Variants in CD38 observed in about 807,000 individuals in gnomAD.
CD38 encodes CD38 molecule.
CD38 carries 31 observed loss-of-function variants against 36.3 expected under a neutral mutation model. That is an observed-to-expected ratio of 0.85 (90% CI 0.64 to 1.15). The LOEUF (loss-of-function observed/expected upper bound fraction) is 1.15, where lower values mean the gene tolerates loss of function less well. Among genes scored for constraint, CD38 ranks in the 50% most tolerant of loss-of-function variants. The pLI is 0.00. For missense variants in CD38, 380 were observed against 371.9 expected (o/e 1.02, Z -0.18); for synonymous variants, 131 against 135.2 (o/e 0.97, Z 0.22).
intron 1 of CD38, among the ~76,000 whole-genome samples, chr4:15,789,789 G>A (rs1037402097): frequency 6.6e-6 from 1 of 150,990 alleles, no homozygotes. Context: ...CCTCCTCACC[G>A]TGTGATGCCC....
intron 1 of CD38, among the ~76,000 whole-genome samples, chr4:15,814,503 G>A (rs1213715463): frequency 1.3e-5 from 2 of 152,170 alleles, no homozygotes; most frequent in Non-Finnish European, 2.9e-5. Context: ...TTTTAGTCAT[G>A]AAGTCTTTGC....
intron 1 of CD38, among the ~76,000 whole-genome samples, chr4:15,814,446 T>G (rs1460537251): frequency 6.6e-6 from 1 of 152,256 alleles, no homozygotes; most frequent in Non-Finnish European, 1.5e-5. Flanking sequence ...TTAGTTTAAT[T>G]AGATCCCATT....
At chr4:15,805,298 T>C (rs1577643894) in intron 1 of CD38, among the ~76,000 whole-genome samples, 1 of 151,582 alleles carries the variant, frequency 6.6e-6, no homozygotes. Context: ...CGCTTATTCC[T>C]TCTGCCTAGA....
chr4:15,823,569 A>G (rs1723784733), intron 2 of CD38, among the ~76,000 whole-genome samples: 1 of 152,260 alleles, frequency 6.6e-6, no homozygotes, highest in Non-Finnish European at 1.5e-5. Context: ...AAACATATGA[A>G]AAAAAGCTCA....
intron 3 of CD38, among the ~76,000 whole-genome samples, chr4:15,832,714 G>T (rs1287498997): frequency 1.3e-5 from 2 of 152,150 alleles, no homozygotes; most frequent in African/African-American, 4.8e-5. Context: ...AGGGCCTGCA[G>T]TAACCACTTC....
At chr4:15,828,146 C>T (rs1340964517) in intron 3 of CD38, among the ~76,000 whole-genome samples, 1 of 152,136 alleles carries the variant, frequency 6.6e-6, no homozygotes, top group Non-Finnish European at 1.5e-5. Flanking sequence ...TCCCAGGTAG[C>T]TGGGACTACA....
At position 15,850,026 on chromosome 4, in the gene CD38, G is replaced by A. The variant is rs1192402825; in HGVS notation, c.*1424G>A. 6.6e-6 allele frequency: 1 copy of A among 152,242 alleles called. No individual in the cohort carries two copies. The highest frequency in any genetic ancestry group is 2.4e-5 in the African/African-American group (1 of 41,554). The allele number at this position is 152,242 out of a possible 1,614,324, so 9.4% of individuals were successfully genotyped here. A position where few individuals can be genotyped will look rare whatever the true frequency, so the allele number is the denominator to read the frequency against. On this transcript the variant is annotated 3_prime_UTR_variant, in exon 8 of 8. Coordinates refer to ENST00000226279, the MANE Select transcript of CD38 (RefSeq NM_001775.4). ...TTTTCTAGTTTTGAAAAAAACATAA[G>A]CCAGGCATGGTGGCTCACACCTGTA...
chr4:15,826,257 CTT>C (rs1723842351), intron 3 of CD38, among the ~76,000 whole-genome samples: 1 of 152,138 alleles, frequency 6.6e-6, no homozygotes, highest in Admixed American at 6.6e-5. Context: ...TCTTTCTAGA[CTT>C]TTCCTATGCT....
At position 15,851,924 on chromosome 4, in the gene CD38, T is replaced by C. The variant is rs2148931093; in HGVS notation, c.*3322T>C. On this transcript the variant is annotated 3_prime_UTR_variant, in exon 8 of 8. Transcript: ENST00000226279. ...GTCTGTACTAAATGCTGTGGGCAAT[T>C]TTAACCTGATGGTAAATGTTTGTGT... 6.6e-6 allele frequency: 1 copy of C among 152,326 alleles called. No homozygotes were observed. The highest frequency in any genetic ancestry group is 1.9e-4 in the East Asian group (1 of 5,188). The allele number at this position is 152,326 out of a possible 1,614,324, so 9.4% of individuals were successfully genotyped here.
In CD38 at chr4:15,838,641, G is replaced by A. The variant is rs568530506; in HGVS notation, c.659+476G>A. On this transcript the variant is annotated intron_variant, in intron 5 of 7. Transcript: ENST00000226279. ...TAGTAAAACTACTACCGGGAACATC[G>A]GGAACTGTGCTGGGCTCTTGGCCTT... Among the ~76,000 whole-genome samples, 28 of 152,288 alleles carry A rather than the reference G, an allele frequency of 1.8e-4. No individual in the cohort carries two copies. The East Asian group carries it at 2.9e-3, about 16-fold the overall frequency.
intron 1 of CD38, among the ~76,000 whole-genome samples, chr4:15,813,917 A>G (rs960759061): frequency 3.9e-5 from 6 of 152,152 alleles, no homozygotes; most frequent in African/African-American, 1.4e-4. Flanking sequence ...ATATGTGTGG[A>G]TGTGTCTTTA....
At chr4:15,824,459 G>A (rs1723803750) in intron 2 of CD38, among the ~76,000 whole-genome samples, 2 of 151,822 alleles carry the variant, frequency 1.3e-5, no homozygotes. Flanking sequence ...GAATATTTAG[G>A]GAATTTGGAA....
chr4:15,809,209 C>G (rs770102294), intron 1 of CD38, among the ~76,000 whole-genome samples: 16 of 152,154 alleles, frequency 1.1e-4, no homozygotes, highest in Non-Finnish European at 1.5e-4. Flanking sequence ...TGTTGGCTAA[C>G]TGGCGGTAAG....
rs532250365 is a variant in CD38, at chr4:15,824,824, A to AT, written c.364-49dup. On this transcript the variant is annotated intron_variant, in intron 2 of 7. Coordinates refer to ENST00000226279, the MANE Select transcript of CD38 (RefSeq NM_001775.4). ...TTTTCATTTACAAAACTGTGGATTA[A>AT]TTTTTTTTGACATGCTAAATTGATC... 1,429 of 1,416,908 alleles carry AT rather than the reference A, an allele frequency of 1.0e-3. 2 individuals carry two copies. The highest frequency in any genetic ancestry group is 7.9e-4 in the Non-Finnish European group (808 of 1,024,006). 87.8% of individuals were successfully genotyped at this position (1,416,908 alleles called of 1,614,324 possible). A position where few individuals can be genotyped will look rare whatever the true frequency, so the allele number is the denominator to read the frequency against.
chr4:15,799,274 A>G (rs1268306469), intron 1 of CD38, among the ~76,000 whole-genome samples: 1 of 152,074 alleles, frequency 6.6e-6, no homozygotes, highest in Non-Finnish European at 1.5e-5. Context: ...TCCATCCTTT[A>G]TCGAGGGTTT....
intron 7 of CD38, among the ~76,000 whole-genome samples, chr4:15,848,203 T>G (rs1333709142): frequency 6.6e-6 from 1 of 152,216 alleles, no homozygotes; most frequent in Non-Finnish European, 1.5e-5. Flanking sequence ...AAAGCAAGTT[T>G]GGTCCCCTTG....
intron 1 of CD38, among the ~76,000 whole-genome samples, chr4:15,794,811 T>G (rs754216899): frequency 6.6e-6 from 1 of 152,198 alleles, no homozygotes; most frequent in Non-Finnish European, 1.5e-5. Context: ...TTATTCAATT[T>G]TGTGCACAAT....
At chr4:15,812,845 T>C (rs1047408700) in intron 1 of CD38, among the ~76,000 whole-genome samples, 5 of 152,242 alleles carry the variant, frequency 3.3e-5, no homozygotes, top group Non-Finnish European at 5.9e-5. Context: ...TATTTACTCC[T>C]AAGAATATTA....
intron 1 of CD38, among the ~76,000 whole-genome samples, chr4:15,785,999 A>T: frequency 6.6e-6 from 1 of 150,812 alleles, no homozygotes; most frequent in East Asian, 2.0e-4. Flanking sequence ...GCGCGTCTGG[A>T]GTTGTTCGTT....
Sources: gnomAD v4.1 joint callset for allele counts (sites outside exome capture counted in the v4.1 genomes callset) on GRCh38, gnomAD v4.1.1 for gene constraint, MANE v1.5 for transcripts, NCBI Gene and HGNC (gene_info 2026-07-23, HGNC 2026-07-21) for gene names.